Variants in ABLIM1 observed in about 807,000 individuals in gnomAD.
The protein encoded by ABLIM1 is actin binding LIM protein 1.
A neutral mutation model predicts 107.0 loss-of-function variants in ABLIM1; 40 were observed. That is an observed-to-expected ratio of 0.37 (90% confidence interval 0.29 to 0.49). The LOEUF (loss-of-function observed/expected upper bound fraction) is 0.49, where lower values mean the gene tolerates loss of function less well. Among genes scored for constraint, ABLIM1 ranks in the 20% least tolerant of loss-of-function variants. The pLI is 0.97. For synonymous variants in ABLIM1, 357 were observed against 357.3 expected, an observed-to-expected ratio of 1.00 and a Z score of 0.01; for missense variants, 857 against 1,008.5, an observed-to-expected ratio of 0.85 and a Z score of 2.04.
At chr10:114,587,938 C>G (rs531474788) in intron 2 of ABLIM1, among the ~76,000 whole-genome samples, 54 of 152,244 alleles carry the variant, frequency 3.5e-4, no homozygotes, top group African/African-American at 1.3e-3. Flanking sequence ...CTCACAGGTT[C>G]TTTAGGGGTA....
At chr10:114,624,959 G>C (rs920034816) in intron 1 of ABLIM1, among the ~76,000 whole-genome samples, 2 of 152,052 alleles carry the variant, frequency 1.3e-5, no homozygotes, top group Non-Finnish European at 2.9e-5. Context: ...ACAAAAACTG[G>C]AGCACCCCTC....
intron 1 of ABLIM1, among the ~76,000 whole-genome samples, chr10:114,680,183 T>C (rs1478576574): frequency 1.3e-5 from 2 of 152,212 alleles, no homozygotes; most frequent in African/African-American, 4.8e-5. Flanking sequence ...ACCCATTCAT[T>C]ATTACGCGGG....
chr10:114,657,925 A>C (rs747220378), intron 1 of ABLIM1, 32 bp downstream of exon 1: 7 of 1,566,752 alleles, frequency 4.5e-6, no homozygotes, highest in Non-Finnish European at 6.1e-6. Context: ...ACAAAACACA[A>C]AACCATGTCC....
intron 6 of ABLIM1, among the ~76,000 whole-genome samples, chr10:114,522,436 G>A (rs985044934): frequency 6.6e-6 from 1 of 152,158 alleles, no homozygotes; most frequent in African/African-American, 2.4e-5. Flanking sequence ...CTTAAACTCT[G>A]TTAGAGGATG....
intron 1 of ABLIM1, among the ~76,000 whole-genome samples, chr10:114,720,353 T>C (rs975954688): frequency 2.6e-5 from 4 of 152,228 alleles, no homozygotes; most frequent in African/African-American, 9.6e-5. Context: ...TGTATCTTTA[T>C]AACAGAATGA....
At chr10:114,534,457 G>C (rs1331016530) in intron 6 of ABLIM1, among the ~76,000 whole-genome samples, 1 of 142,508 alleles carries the variant, frequency 7.0e-6, no homozygotes, top group African/African-American at 2.6e-5. Flanking sequence ...CTGGGTCTCT[G>C]AAGAAGCTGC....
chr10:114,771,639 T>C (rs1183364086), upstream of ABLIM1, among the ~76,000 whole-genome samples: 1 of 152,176 alleles, frequency 6.6e-6, no homozygotes, highest in South Asian at 2.1e-4. Context: ...ATGGCTTGAA[T>C]CTCCTAACAA....
chr10:114,637,613 G>C (rs2078545742), intron 1 of ABLIM1, among the ~76,000 whole-genome samples: 1 of 152,116 alleles, frequency 6.6e-6, no homozygotes, highest in African/African-American at 2.4e-5. Flanking sequence ...CCAAGCAATA[G>C]GTTGCACCTC....
intron 1 of ABLIM1, among the ~76,000 whole-genome samples, chr10:114,692,711 G>T (rs563481551): frequency 1.8e-4 from 27 of 152,130 alleles, no homozygotes; most frequent in Non-Finnish European, 3.7e-4. Flanking sequence ...CCAATATGGT[G>T]AAACCTCGTC....
At chr10:114,705,952 C>T (rs1353026756) in intron 1 of ABLIM1, among the ~76,000 whole-genome samples, 1 of 152,136 alleles carries the variant, frequency 6.6e-6, no homozygotes, top group African/African-American at 2.4e-5. Context: ...GGCAACAGAT[C>T]AGGTTTATCC....
At chr10:114,769,484 A>G (rs1370972387), upstream of ABLIM1, among the ~76,000 whole-genome samples, 231 of 147,088 alleles carry the variant, frequency 1.6e-3, no homozygotes, top group Middle Eastern at 0.015. Context: ...AGAAAGAGAA[A>G]GAAAGAAAGG....
intron 6 of ABLIM1, among the ~76,000 whole-genome samples, chr10:114,507,626 C>A (rs973868150): frequency 6.6e-6 from 1 of 152,300 alleles, no homozygotes; most frequent in South Asian, 2.1e-4. Flanking sequence ...GGGCACCCTG[C>A]CAGCCACACC....
chr10:114,646,612 C>T (rs1217904793), intron 1 of ABLIM1, among the ~76,000 whole-genome samples: 1 of 152,104 alleles, frequency 6.6e-6, no homozygotes. Flanking sequence ...TATGAAGATT[C>T]AAAGGAAGGA....
intron 1 of ABLIM1, among the ~76,000 whole-genome samples, chr10:114,604,107 CA>C (rs2076243006): frequency 6.6e-6 from 1 of 152,104 alleles, no homozygotes; most frequent in East Asian, 1.9e-4. Flanking sequence ...TTACATAAGC[CA>C]CTTTATTCTA....
At chr10:114,554,481 G>C (rs1049387184) in intron 4 of ABLIM1, among the ~76,000 whole-genome samples, 1 of 152,190 alleles carries the variant, frequency 6.6e-6, no homozygotes, top group African/African-American at 2.4e-5. Context: ...ATCATAGCTT[G>C]AGGCTATGAA....
intron 1 of ABLIM1, among the ~76,000 whole-genome samples, chr10:114,654,203 C>T (rs559257630): frequency 6.6e-6 from 1 of 152,356 alleles, no homozygotes; most frequent in Admixed American, 6.5e-5. Flanking sequence ...TCTGGGAATC[C>T]CACGTCCTGT....
intron 6 of ABLIM1, among the ~76,000 whole-genome samples, chr10:114,510,655 TA>T (rs2061720321): frequency 2.0e-5 from 2 of 100,784 alleles, no homozygotes; most frequent in South Asian, 3.1e-4. Flanking sequence ...TTTATTTTAT[TA>T]TTTTTTTTTT....
chr10:114,604,280 TC>T (rs977841218), intron 1 of ABLIM1, among the ~76,000 whole-genome samples: 1 of 152,226 alleles, frequency 6.6e-6, no homozygotes, highest in Non-Finnish European at 1.5e-5. Context: ...TCATGCCCCT[TC>T]CATGCTGTTT....
chr10:114,615,563 A>G, intron 1 of ABLIM1: 1 of 470,756 alleles, frequency 2.1e-6, no homozygotes, highest in South Asian at 1.5e-5. Flanking sequence ...CTGCCATTGT[A>G]TTACCAGGGT....
Sources: gnomAD v4.1 joint callset for allele counts (sites outside exome capture counted in the v4.1 genomes callset) on GRCh38, gnomAD v4.1.1 for gene constraint, MANE v1.5 for transcripts, NCBI Gene and HGNC (gene_info 2026-07-23, HGNC 2026-07-21) for gene names.